IRAK3: variants seen among roughly 807,000 people sequenced by gnomAD.
IRAK3 encodes interleukin-1 receptor-associated kinase 3.
IRAK3 carries 57 observed loss-of-function variants against 56.6 expected under a neutral mutation model. The observed-to-expected ratio is 1.01, with a 90% CI of 0.81 to 1.26. IRAK3 has a LOEUF of 1.26. IRAK3 is among the 50% of genes most tolerant of loss of function. IRAK3 has a pLI of 0.00. For missense variants in IRAK3, 703 were observed against 719.0 expected, an observed-to-expected ratio of 0.98 and a Z score of 0.25; for synonymous variants, 258 against 255.7, an observed-to-expected ratio of 1.01 and a Z score of -0.09.
At chr12:66,215,512 C>T (rs979110231) in intron 5 of IRAK3, among the ~76,000 whole-genome samples, 1 of 152,086 alleles carries the variant, frequency 6.6e-6, no homozygotes, top group Non-Finnish European at 1.5e-5. Context: ...TTTTGAAGAG[C>T]TCTTATTTGT....
intron 8 of IRAK3, among the ~76,000 whole-genome samples, chr12:66,242,378 T>C (rs2052979107): frequency 1.3e-5 from 2 of 152,334 alleles, no homozygotes; most frequent in African/African-American, 4.8e-5. Flanking sequence ...GAAGTGATTA[T>C]GAACTGACAG....
intron 1 of IRAK3, among the ~76,000 whole-genome samples, chr12:66,202,829 GAA>G (rs74548918): frequency 7.3e-6 from 1 of 136,322 alleles, no homozygotes; most frequent in African/African-American, 2.7e-5. Context: ...AAAATAAAAG[GAA>G]AAAAAAAAAG....
At chr12:66,215,050 T>C (rs1033735203) in intron 5 of IRAK3, among the ~76,000 whole-genome samples, 1 of 152,210 alleles carries the variant, frequency 6.6e-6, no homozygotes, top group Admixed American at 6.5e-5. Flanking sequence ...ACTACTTAAT[T>C]GTACATAGAA....
chr12:66,226,335 G>A (rs756883245), intron 6 of IRAK3, among the ~76,000 whole-genome samples: 1 of 151,746 alleles, frequency 6.6e-6, no homozygotes, highest in African/African-American at 2.4e-5. Context: ...TCCGCCTTCC[G>A]GTTCAAGCAA....
rs141143612 is a variant in IRAK3 at position 66,218,210 on chromosome 12, C to A, written c.653+975C>A. Among the ~76,000 whole-genome samples the A allele has an allele frequency of 6.0e-3, 914 of 152,150 alleles. 7 individuals carry two copies. The highest frequency in any genetic ancestry group is 8.1e-3 in the Non-Finnish European group (553 of 67,956). On this transcript the variant is annotated intron_variant, in intron 6 of 11. Transcript: ENST00000261233. ...TGTAGGCAAATATGTATTTTGTTTT[C>A]TTATTTTTCTCCCTTAACACAAGAG...
intron 8 of IRAK3, chr12:66,235,336 G>A: frequency 9.2e-7 from 1 of 1,088,328 alleles, no homozygotes. Context: ...CCTGGGCGCG[G>A]GGCAGCCTCG....
At chr12:66,199,676 G>A (rs543918349) in intron 1 of IRAK3, among the ~76,000 whole-genome samples, 6 of 152,208 alleles carry the variant, frequency 3.9e-5, no homozygotes, top group Non-Finnish European at 8.8e-5. Flanking sequence ...TACAATTACT[G>A]TATTACTGGC....
At chr12:66,242,325 G>T (rs1416782165) in intron 8 of IRAK3, among the ~76,000 whole-genome samples, 1 of 152,190 alleles carries the variant, frequency 6.6e-6, no homozygotes, top group Non-Finnish European at 1.5e-5. Flanking sequence ...ATCTCCAGGA[G>T]CCTCAGACTT....
intron 8 of IRAK3, among the ~76,000 whole-genome samples, chr12:66,243,095 C>A (rs1290826693): frequency 6.6e-6 from 1 of 151,742 alleles, no homozygotes; most frequent in Non-Finnish European, 1.5e-5. Flanking sequence ...ACCGGAAGTG[C>A]CTTTGTTTTT....
intron 8 of IRAK3, among the ~76,000 whole-genome samples, chr12:66,239,992 G>T (rs1359880803): frequency 6.6e-6 from 1 of 152,168 alleles, no homozygotes; most frequent in East Asian, 1.9e-4. Flanking sequence ...AGGGTCCTCA[G>T]ATTTCCAGGG....
At chr12:66,215,791 C>CGTG (rs1565804022) in intron 5 of IRAK3, among the ~76,000 whole-genome samples, 1 of 30,876 alleles carries the variant, frequency 3.2e-5, no homozygotes, top group African/African-American at 1.1e-4. Context: ...AACATGCACA[C>CGTG]ACACACACAC....
chr12:66,235,304 G>GGCGAGC, intron 8 of IRAK3: 6 of 1,234,252 alleles, frequency 4.9e-6, no homozygotes, highest in Non-Finnish European at 6.1e-6. Context: ...GGGCCGCGGC[G>GGCGAGC]GCGGGCGCGG....
rs567095479 is a variant in IRAK3 at position 66,245,036 on chromosome 12, C to T, written c.1149+26C>T. 9.9e-6 allele frequency: 16 copies of T among 1,613,590 alleles called. No individual in the cohort carries two copies. The African/African-American group carries it at 2.0e-4, about 20-fold the overall frequency. ...GTAAGAATTGTTTTCATCCTGGCAC[C>T]TATCTCTTGGTCATTTTTTGATCAA... is the stretch of plus-strand genomic sequence containing the variant. On this transcript the variant is annotated intron_variant, in intron 10 of 11. Coordinates refer to ENST00000261233, the MANE Select transcript of IRAK3 (RefSeq NM_007199.3).
chr12:66,230,680 G>A (rs2052835603), intron 8 of IRAK3, among the ~76,000 whole-genome samples: 1 of 152,028 alleles, frequency 6.6e-6, no homozygotes, highest in South Asian at 2.1e-4. Context: ...GGGAAGGACA[G>A]GGTGGGGAAG....
chr12:66,201,085 A>G (rs542528364), intron 1 of IRAK3, among the ~76,000 whole-genome samples: 1 of 152,316 alleles, frequency 6.6e-6, no homozygotes, highest in Non-Finnish European at 1.5e-5. Context: ...TCAAAGTGCT[A>G]GAACTACAGA....
At chr12:66,228,731 T>C (rs2052814545) in intron 8 of IRAK3, among the ~76,000 whole-genome samples, 1 of 152,238 alleles carries the variant, frequency 6.6e-6, no homozygotes, top group African/African-American at 2.4e-5. Flanking sequence ...AATCATACTT[T>C]GAGTATCCCC....
At chr12:66,244,867 T>C (rs1013723452) in intron 9 of IRAK3, 81 bp from the exon 10 acceptor site, 6 of 1,149,508 alleles carry the variant, frequency 5.2e-6, no homozygotes, top group South Asian at 3.7e-5. Flanking sequence ...TGAACTATAT[T>C]CATAGTCATG....
rs1168773 is a variant in IRAK3 at position 66,196,952 on chromosome 12, A to G, written c.134-6759A>G. 21,466 of 1,535,268 alleles carry G rather than the reference A, an allele frequency of 0.014. 2,335 individuals carry two copies. In the African/African-American group the frequency reaches 0.25, roughly 18 times the overall value. ...TTTTGGCATGTGGTTGTATGCAAAT[A>G]CAAAGATTCCAAATACGGATGTGTT... On this transcript the variant is annotated intron_variant, in intron 1 of 11. Transcript: ENST00000261233.
At chr12:66,214,764 A>G (rs1159713393) in intron 5 of IRAK3, among the ~76,000 whole-genome samples, 1 of 152,214 alleles carries the variant, frequency 6.6e-6, no homozygotes, top group Non-Finnish European at 1.5e-5. Flanking sequence ...TTTTAAAAAA[A>G]TGGTAGTCAC....
Sources: gnomAD v4.1 joint callset for allele counts (sites outside exome capture counted in the v4.1 genomes callset) on GRCh38, gnomAD v4.1.1 for gene constraint, MANE v1.5 for transcripts, NCBI Gene and HGNC (gene_info 2026-07-23, HGNC 2026-07-21) for gene names.